HECW2: variants seen among roughly 807,000 people sequenced by gnomAD.
The protein encoded by HECW2 is E3 ubiquitin-protein ligase HECW2.
Under a neutral mutation model 175.2 loss-of-function variants are expected in HECW2, and 61 were observed. The ratio of observed to expected loss-of-function variants is 0.35; its 90% CI spans 0.28 to 0.43. The LOEUF (loss-of-function observed/expected upper bound fraction) is 0.43. HECW2 is among the 20% of genes least tolerant of loss of function. The pLI is 1.00. For missense variants in HECW2, 1,524 were observed against 2,000.5 expected (o/e 0.76, Z 4.54); for synonymous variants, 671 against 731.0 (o/e 0.92, Z 1.32).
intron 1 of HECW2, among the ~76,000 whole-genome samples, chr2:196,532,668 T>C (rs1208751493): frequency 2.7e-5 from 4 of 149,832 alleles, no homozygotes; most frequent in African/African-American, 5.1e-5. Flanking sequence ...TAAAAGTTAA[T>C]ATTAAAAAAA....
chr2:196,314,263 C>T (rs1161365748), intron 10 of HECW2, among the ~76,000 whole-genome samples: 1 of 152,218 alleles, frequency 6.6e-6, no homozygotes, highest in East Asian at 1.9e-4. Flanking sequence ...GAAAGCTGAG[C>T]ACCTTTTGAG....
chr2:196,234,390 C>A (rs760885781), intron 21 of HECW2, among the ~76,000 whole-genome samples: 1 of 151,840 alleles, frequency 6.6e-6, no homozygotes. Context: ...TGGACTCAAG[C>A]GATCCTCCTG....
chr2:196,587,504 T>C (rs758564938), intron 1 of HECW2, among the ~76,000 whole-genome samples: 4 of 152,250 alleles, frequency 2.6e-5, no homozygotes, highest in African/African-American at 4.8e-5. Flanking sequence ...AGTATGTTTA[T>C]GGTATTCTGA....
chr2:196,560,400 G>C (rs1689956868), intron 1 of HECW2, among the ~76,000 whole-genome samples: 2 of 152,030 alleles, frequency 1.3e-5, no homozygotes, highest in African/African-American at 4.8e-5. Flanking sequence ...CCCACCTCGG[G>C]CCTCCCAAAG....
intron 3 of HECW2, among the ~76,000 whole-genome samples, chr2:196,340,928 A>G (rs1448841029): frequency 1.1e-5 from 1 of 94,604 alleles, no homozygotes; most frequent in Non-Finnish European, 2.8e-5. Flanking sequence ...AATACGGAGA[A>G]AAGAAAAAAA....
chr2:196,202,021 C>CT (rs1559430263), intron 28 of HECW2, among the ~76,000 whole-genome samples: 1 of 152,062 alleles, frequency 6.6e-6, no homozygotes. Context: ...ATTAAGTATT[C>CT]TTTTTTAGAA....
At position 196,342,363 on chromosome 2, in the gene HECW2, C is replaced by T. The variant is rs78619726; in HGVS notation, c.400+1294G>A. On this transcript the variant is annotated intron_variant, in intron 3 of 28. Coordinates refer to ENST00000644978, the MANE Select transcript of HECW2 (RefSeq NM_001348768.2). ...AGGTTGTGATGAGCCGAGATTGCGC[C>T]ATTGTACTCCAGCCTGGGCAACAAG... Among the ~76,000 whole-genome samples the T allele has an allele frequency of 8.3e-3, 1,237 of 148,774 alleles. 30 individuals are homozygous for T. Among genetic ancestry groups the T allele is most frequent in the African/African-American group, 0.029 (1,177 of 40,326 alleles).
chr2:196,413,804 TG>T (rs1695180603), intron 2 of HECW2, among the ~76,000 whole-genome samples: 1 of 152,234 alleles, frequency 6.6e-6, no homozygotes, highest in Non-Finnish European at 1.5e-5. Context: ...GAGCTCTCCC[TG>T]TATTCTCTGA....
chr2:196,522,360 T>C (rs1245414551), intron 1 of HECW2, among the ~76,000 whole-genome samples: 1 of 152,188 alleles, frequency 6.6e-6, no homozygotes, highest in Admixed American at 6.5e-5. Context: ...TTGAGTTCAT[T>C]GTAGATTCTG....
intron 2 of HECW2, among the ~76,000 whole-genome samples, chr2:196,402,932 G>A (rs945408615): frequency 1.3e-5 from 2 of 150,068 alleles, no homozygotes; most frequent in East Asian, 4.0e-4. Flanking sequence ...TCAGCCTCCC[G>A]AGTAGCTGGG....
At position 196,319,618 on chromosome 2, in the gene HECW2, T is replaced by C. The variant is rs770599066; in HGVS notation, c.1272A>G (p.Glu424=). ...DSLNDYLDAI[E]HNGHSRPGTA... is the part of the protein sequence containing the mutation. ...TCCCCGGCCTGGAGTGGCCATTGTG[T>C]TCGATAGCATCTAAGTAATCATTGA... The change falls in exon 9 of 29, where the codon GAA becomes GAG. Residue 424 remains glutamate, a synonymous_variant. Coordinates refer to ENST00000644978, the MANE Select transcript of HECW2 (RefSeq NM_001348768.2). 3 of 1,614,120 alleles carry C rather than the reference T, an allele frequency of 1.9e-6. No homozygotes were observed. The South Asian group carries it at 3.3e-5, about 18-fold the overall frequency.
intron 1 of HECW2, among the ~76,000 whole-genome samples, chr2:196,568,987 T>G (rs1234955535): frequency 1.3e-5 from 2 of 152,182 alleles, no homozygotes; most frequent in Non-Finnish European, 2.9e-5. Flanking sequence ...ACCATCCTGT[T>G]TTTTACTTTC....
At chr2:196,242,048 T>A (rs746703785) in intron 20 of HECW2, 36 bp downstream of exon 20, 1 of 1,606,368 alleles carries the variant, frequency 6.2e-7, no homozygotes, top group South Asian at 1.1e-5. Context: ...CCTTTCACCA[T>A]CTATACATTA....
At chr2:196,447,556 T>G (rs1294530393) in intron 1 of HECW2, among the ~76,000 whole-genome samples, 1 of 152,118 alleles carries the variant, frequency 6.6e-6, no homozygotes, top group Non-Finnish European at 1.5e-5. Flanking sequence ...TCTGGCAAAG[T>G]TAGAACAATT....
At chr2:196,570,599 G>A (rs1690349331) in intron 1 of HECW2, among the ~76,000 whole-genome samples, 1 of 152,096 alleles carries the variant, frequency 6.6e-6, no homozygotes, top group African/African-American at 2.4e-5. Flanking sequence ...AATACCTAAT[G>A]TAAATGACGA....
intron 1 of HECW2, among the ~76,000 whole-genome samples, chr2:196,559,081 C>G (rs1016931729): frequency 2.0e-5 from 3 of 152,154 alleles, no homozygotes; most frequent in Non-Finnish European, 2.9e-5. Flanking sequence ...TAAATAACTG[C>G]TACTAGGTTG....
intron 3 of HECW2, among the ~76,000 whole-genome samples, chr2:196,342,407 G>GAAAAAAAA (rs1166917244): frequency 1.7e-5 from 1 of 58,424 alleles, no homozygotes; most frequent in African/African-American, 6.7e-5. Flanking sequence ...TCCGTTTCAA[G>GAAAAAAAA]AAAAAAAAAA....
intron 16 of HECW2, among the ~76,000 whole-genome samples, chr2:196,272,382 C>T (rs1689772588): frequency 6.6e-6 from 1 of 152,068 alleles, no homozygotes; most frequent in Admixed American, 6.6e-5. Context: ...ACTCTTTTGT[C>T]AAGAAAATGA....
At chr2:196,406,598 C>T (rs1694971737) in intron 2 of HECW2, among the ~76,000 whole-genome samples, 1 of 152,222 alleles carries the variant, frequency 6.6e-6, no homozygotes. Flanking sequence ...AAAACCCAAA[C>T]TCCTTATGTT....
Sources: gnomAD v4.1 joint callset for allele counts (sites outside exome capture counted in the v4.1 genomes callset) on GRCh38, gnomAD v4.1.1 for gene constraint, MANE v1.5 for transcripts, NCBI Gene and HGNC (gene_info 2026-07-23, HGNC 2026-07-21) for gene names.